VRK2: variants seen among roughly 807,000 people sequenced by gnomAD.
VRK2 encodes the protein serine/threonine-protein kinase VRK2.
Under a neutral mutation model 57.6 loss-of-function variants are expected in VRK2, and 60 were observed. The observed-to-expected ratio is 1.04, with a 90% CI of 0.85 to 1.29. The LOEUF (loss-of-function observed/expected upper bound fraction) is 1.29. Ranked by LOEUF, VRK2 falls within the 50% of genes most tolerant of loss-of-function variation. The pLI is 0.00. For synonymous variants in VRK2, 231 were observed against 199.2 expected (o/e 1.16, Z -1.35); for missense variants, 705 against 588.1 (o/e 1.20, Z -2.06).
At chr2:58,089,949 A>G (rs1672138713) in intron 7 of VRK2, among the ~76,000 whole-genome samples, 1 of 152,206 alleles carries the variant, frequency 6.6e-6, no homozygotes, top group East Asian at 1.9e-4. Flanking sequence ...ATGGGCACAC[A>G]GTTAAGAAGT....
rs142229831 is a variant in VRK2 at position 57,951,015 on chromosome 2, C to T, written c.-439+43176C>T. Among the ~76,000 whole-genome samples the T allele has an allele frequency of 4.7e-3, 718 of 152,132 alleles. 5 individuals are homozygous for T. The highest frequency in any genetic ancestry group is 5.1e-3 in the Non-Finnish European group (350 of 68,004). On this transcript the variant is annotated intron_variant, in intron 1 of 15. Transcript: ENST00000417641. ...GCTGAGGCAGGGAAATCACTTGAAC[C>T]CAGGAGGCAAAGGTTGCAGTGAGCC... is the stretch of plus-strand genomic sequence containing the variant.
At chr2:58,040,837 T>C (rs1298113393) in intron 3 of VRK2, among the ~76,000 whole-genome samples, 4 of 152,156 alleles carry the variant, frequency 2.6e-5, no homozygotes, top group Non-Finnish European at 5.9e-5. Flanking sequence ...TCAGGAATAT[T>C]TGGGGAATAG....
chr2:57,977,301 C>A (rs1364740316), intron 1 of VRK2, among the ~76,000 whole-genome samples: 2 of 151,990 alleles, frequency 1.3e-5, no homozygotes, highest in Admixed American at 1.3e-4. Flanking sequence ...CTATAAATTG[C>A]TTTGGGTAGT....
intron 1 of VRK2, among the ~76,000 whole-genome samples, chr2:57,922,454 TTGTGTGTG>T (rs59731064): frequency 3.6e-4 from 53 of 147,066 alleles, no homozygotes; most frequent in African/African-American, 9.0e-4. Context: ...AGTTACCTTC[TTGTGTGTG>T]TGTGTGTGTG....
chr2:58,159,861 T>A lies in VRK2; in HGVS notation c.*168T>A. The A allele has an allele frequency of 6.2e-7, 1 of 1,603,862 alleles. No individual in the cohort carries two copies. The highest frequency in any genetic ancestry group is 1.1e-5 in the South Asian group (1 of 89,878). On this transcript the variant is annotated 3_prime_UTR_variant, in exon 13 of 13. Coordinates refer to ENST00000340157, the MANE Select transcript of VRK2 (RefSeq NM_006296.7). The stretch of plus-strand genomic sequence containing the variant: ...GACACTCTAAAAAATAAAATTGCTT[T>A]GTACTAGAAATAGTGTCATAGAATA...
chr2:58,146,348 C>T lies in VRK2; in HGVS notation c.1056C>T (p.Val352=), dbSNP rs1682122841. 1 of 1,610,528 alleles carries T rather than the reference C, an allele frequency of 6.2e-7. No homozygotes were observed. The highest frequency in any genetic ancestry group is 1.3e-5 in the African/African-American group (1 of 74,624). Residue 352 remains valine, a synonymous_variant, in exon 12 of 13, where the codon GTC becomes GTT. Transcript: ENST00000340157. The part of the protein sequence containing the change: ...VDSQKAATKQ[V]NKAHNRLIEK... ...CACAAAAGGCTGCAACAAAGCAAGTCAACAAGGCACACAATAGGTTAATCG... is the reference window on the plus strand; with the variant it reads ...CACAAAAGGCTGCAACAAAGCAAGTTAACAAGGCACACAATAGGTTAATCG...
intron 1 of VRK2, among the ~76,000 whole-genome samples, chr2:57,963,527 A>T (rs1007627361): frequency 8.5e-5 from 13 of 152,238 alleles, no homozygotes; most frequent in South Asian, 2.1e-4. Flanking sequence ...TAGGATTTTT[A>T]AAAAAAATTC....
At chr2:58,020,856 C>T (rs1031464558) in intron 1 of VRK2, among the ~76,000 whole-genome samples, 1 of 152,154 alleles carries the variant, frequency 6.6e-6, no homozygotes, top group African/African-American at 2.4e-5. Flanking sequence ...CTTGATAAAT[C>T]CACTGCATAG....
At chr2:58,028,903 A>ATATATATATAT (rs1553378205) in intron 2 of VRK2, among the ~76,000 whole-genome samples, 12 of 54,010 alleles carry the variant, frequency 2.2e-4, no homozygotes, top group South Asian at 9.0e-4. Flanking sequence ...TAAATAAATA[A>ATATATATATAT]ATATATATAT....
chr2:58,024,413 T>C (rs977634684), intron 1 of VRK2, among the ~76,000 whole-genome samples: 2 of 152,182 alleles, frequency 1.3e-5, no homozygotes, highest in African/African-American at 4.8e-5. Context: ...GGGGGGGTGC[T>C]ATTACATTAA....
At chr2:57,994,966 C>T (rs1008219588) in intron 1 of VRK2, among the ~76,000 whole-genome samples, 1 of 152,092 alleles carries the variant, frequency 6.6e-6, no homozygotes, top group Admixed American at 6.5e-5. Context: ...GTTGTGATAT[C>T]TTCCCTGTGA....
chr2:57,992,576 C>T (rs1042770670), intron 1 of VRK2, among the ~76,000 whole-genome samples: 5 of 152,006 alleles, frequency 3.3e-5, no homozygotes, highest in African/African-American at 1.2e-4. Flanking sequence ...GTCGCCCAGG[C>T]CGGACTGCGG....
intron 1 of VRK2, among the ~76,000 whole-genome samples, chr2:57,974,102 G>T (rs1320400096): frequency 2.6e-5 from 4 of 151,850 alleles, no homozygotes; most frequent in South Asian, 2.1e-4. Context: ...ATTAAAGAAT[G>T]CTGGGAAAGA....
intron 1 of VRK2, among the ~76,000 whole-genome samples, chr2:57,954,618 T>C (rs1476100632): frequency 1.3e-5 from 2 of 152,148 alleles, no homozygotes; most frequent in Admixed American, 1.3e-4. Flanking sequence ...ATCTCATCTT[T>C]GCACTTAGTG....
chr2:58,049,407 G>T (rs1675371041), intron 2 of VRK2, among the ~76,000 whole-genome samples: 1 of 152,032 alleles, frequency 6.6e-6, no homozygotes, highest in Non-Finnish European at 1.5e-5. Context: ...AAAACTTAAG[G>T]CATCTATTCT....
chr2:57,940,457 C>T (rs1326868775), intron 1 of VRK2, among the ~76,000 whole-genome samples: 1 of 152,118 alleles, frequency 6.6e-6, no homozygotes, highest in Non-Finnish European at 1.5e-5. Flanking sequence ...AAGTGTTAAT[C>T]TTATCTGGAA....
chr2:58,140,507 A>G (rs570853350), intron 11 of VRK2, among the ~76,000 whole-genome samples: 1 of 152,114 alleles, frequency 6.6e-6, no homozygotes, highest in South Asian at 2.1e-4. Flanking sequence ...GTATGCACAA[A>G]TAGAGTGTGG....
At chr2:58,083,991 A>C in intron 2 of VRK2, 98 bp from the exon 3 acceptor site, 6 of 1,280,954 alleles carry the variant, frequency 4.7e-6, no homozygotes, top group Non-Finnish European at 6.4e-6. Context: ...TAATAAACTT[A>C]CATATGTAAA....
chr2:58,103,866 T>C (rs1674370864), intron 7 of VRK2, among the ~76,000 whole-genome samples: 1 of 151,596 alleles, frequency 6.6e-6, no homozygotes, highest in Non-Finnish European at 1.5e-5. Flanking sequence ...GCAAACCAAA[T>C]CCCACAGTGC....
Sources: gnomAD v4.1 joint callset for allele counts (sites outside exome capture counted in the v4.1 genomes callset) on GRCh38, gnomAD v4.1.1 for gene constraint, MANE v1.5 for transcripts, NCBI Gene and HGNC (gene_info 2026-07-23, HGNC 2026-07-21) for gene names.